The following USP4 variants were observed in gnomAD, a reference collection of about 807,000 sequenced individuals.
The protein encoded by USP4 is ubiquitin specific peptidase 4.
USP4 carries 72 observed loss-of-function variants against 118.2 expected under a neutral mutation model. The observed-to-expected ratio is 0.61, with a 90% CI of 0.50 to 0.74. The LOEUF (loss-of-function observed/expected upper bound fraction) is 0.74. USP4 is among the 30% of genes least tolerant of loss of function. The probability of loss-of-function intolerance (pLI) is 0.00; values close to 1 mark genes in which losing one functional copy is unlikely to be tolerated. For synonymous variants in USP4, 415 were observed against 440.4 expected (o/e 0.94, Z 0.72); for missense variants, 1,037 against 1,185.7 (o/e 0.87, Z 1.84).
At chr3:49,282,423 C>T (rs758807934) in intron 19 of USP4, among the ~76,000 whole-genome samples, 16 of 151,592 alleles carry the variant, frequency 1.1e-4, no homozygotes, top group Non-Finnish European at 2.1e-4. Context: ...TACAGGCATG[C>T]GCCACCATGC....
chr3:49,289,593 G>A (rs1054577704), intron 15 of USP4, among the ~76,000 whole-genome samples: 1 of 152,132 alleles, frequency 6.6e-6, no homozygotes, highest in Non-Finnish European at 1.5e-5. Flanking sequence ...TATTGAGGCC[G>A]GGTGCAGTAG....
At chr3:49,307,870 G>A (rs1324404673) in intron 8 of USP4, among the ~76,000 whole-genome samples, 2 of 152,082 alleles carry the variant, frequency 1.3e-5, no homozygotes, top group Non-Finnish European at 2.9e-5. Flanking sequence ...AGGCCTGGTG[G>A]TACACACTTG....
chr3:49,285,278 A>G (rs1408087640), intron 16 of USP4, among the ~76,000 whole-genome samples: 2 of 151,998 alleles, frequency 1.3e-5, no homozygotes, highest in Non-Finnish European at 2.9e-5. Context: ...CATTGGATAG[A>G]GCAGGAAGGA....
intron 6 of USP4, among the ~76,000 whole-genome samples, chr3:49,319,618 T>TTTGC (rs1400339470): frequency 6.6e-6 from 1 of 151,516 alleles, no homozygotes; most frequent in Non-Finnish European, 1.5e-5. Context: ...TGTTTGTTTG[T>TTTGC]TTGTTTGTTT....
chr3:49,307,944 A>G (rs1158867313), intron 8 of USP4, among the ~76,000 whole-genome samples: 2 of 152,088 alleles, frequency 1.3e-5, no homozygotes, highest in Non-Finnish European at 1.5e-5. Context: ...TCAAGGTTAC[A>G]GTGAGCTATG....
At chr3:49,297,007 C>T (rs1575605736) in intron 13 of USP4, among the ~76,000 whole-genome samples, 1 of 152,342 alleles carries the variant, frequency 6.6e-6, no homozygotes, top group Middle Eastern at 3.4e-3. Flanking sequence ...GGAACTATTC[C>T]TTTTAGAGAG....
intron 6 of USP4, among the ~76,000 whole-genome samples, chr3:49,313,644 C>T (rs970056324): frequency 1.1e-4 from 17 of 152,278 alleles, no homozygotes; most frequent in African/African-American, 3.8e-4. Context: ...GGTTTCACTA[C>T]GCCTTCTATG....
At chr3:49,282,318 G>A (rs554933765) in intron 19 of USP4, among the ~76,000 whole-genome samples, 15 of 151,794 alleles carry the variant, frequency 9.9e-5, no homozygotes, top group African/African-American at 3.1e-4. Flanking sequence ...TGTGTCGTCC[G>A]GGCTGGAGTG....
At chr3:49,293,553 C>T (rs1409657229) in intron 14 of USP4, 1 of 152,392 alleles carries the variant, frequency 6.6e-6, no homozygotes, top group Non-Finnish European at 1.5e-5. Flanking sequence ...TGCCTGTAAT[C>T]CCAGCTACTT....
intron 2 of USP4, among the ~76,000 whole-genome samples, chr3:49,333,997 C>A (rs1416923207): frequency 6.6e-6 from 1 of 151,262 alleles, no homozygotes; most frequent in Non-Finnish European, 1.5e-5. Flanking sequence ...CCTGCCTGGG[C>A]AACAAGAGCA....
intron 14 of USP4, among the ~76,000 whole-genome samples, chr3:49,292,819 CAGG>C (rs1044740713): frequency 9.4e-4 from 143 of 152,150 alleles, no homozygotes; most frequent in African/African-American, 3.2e-3. Context: ...CACCTGAGGT[CAGG>C]AGTTCGAGAC....
At chr3:49,280,349 C>A (rs1348011466) in intron 20 of USP4, among the ~76,000 whole-genome samples, 1 of 151,772 alleles carries the variant, frequency 6.6e-6, no homozygotes, top group Middle Eastern at 3.4e-3. Context: ...ATCACGAGGT[C>A]AGGAGATCGA....
At chr3:49,321,344 A>G (rs2047498229) in intron 6 of USP4, among the ~76,000 whole-genome samples, 1 of 152,160 alleles carries the variant, frequency 6.6e-6, no homozygotes, top group Non-Finnish European at 1.5e-5. Flanking sequence ...CTCATCCTCA[A>G]GAATAGTAGT....
At chr3:49,289,912 C>A (rs985134375) in intron 15 of USP4, among the ~76,000 whole-genome samples, 1 of 151,828 alleles carries the variant, frequency 6.6e-6, no homozygotes, top group East Asian at 1.9e-4. Context: ...TCAAGACCAG[C>A]CTGGGGAACA....
chr3:49,338,260 G>A (rs2047692792), intron 1 of USP4, among the ~76,000 whole-genome samples: 1 of 151,940 alleles, frequency 6.6e-6, no homozygotes, highest in South Asian at 2.1e-4. Flanking sequence ...CAAATCCCTT[G>A]AGCAATACCT....
chr3:49,286,002 T>G, intron 16 of USP4, 96 bp downstream of exon 16: 1 of 1,188,528 alleles, frequency 8.4e-7, no homozygotes, highest in Non-Finnish European at 1.2e-6. Context: ...GCACAGAGAC[T>G]GTGAAAGCCC....
Position 49,324,908 on chromosome 3 carries a change from G to C in USP4, c.619C>G (p.Leu207Val). 6.2e-7 allele frequency: 1 copy of C among 1,614,180 alleles called. No individual in the cohort carries two copies. The highest frequency in any genetic ancestry group is 8.5e-7 in the Non-Finnish European group (1 of 1,180,022). Residue 207 changes from leucine (L) to valine (V), a missense_variant, in exon 5 of 22, where the codon CTA becomes GTA. By Grantham distance (32) the Leu-to-Val change is conservative (BLOSUM62 1). Around this residue, in one of 3 missense-constraint regions of USP4, gnomAD observed 487 missense variants for 534.1 expected, o/e 0.91. Coordinates refer to ENST00000265560, the MANE Select transcript of USP4 (RefSeq NM_003363.4). ...KLDNTVQDAG[L>V]YQGQVLVIEP... ...GGCCCTCCTACCTGACCCTGGTATA[G>C]CCCAGCATCCTGGACAGTGTTGTCT...
chr3:49,328,644 G>T (rs56760510), intron 2 of USP4, among the ~76,000 whole-genome samples: 3,691 of 152,178 alleles, frequency 0.024, 162 homozygotes, highest in African/African-American at 0.085. Flanking sequence ...CAGATCACTT[G>T]AGGTCAGGAA....
At chr3:49,326,727 G>A (rs2047559554) in intron 3 of USP4, among the ~76,000 whole-genome samples, 1 of 128,464 alleles carries the variant, frequency 7.8e-6, no homozygotes, top group East Asian at 2.5e-4. Flanking sequence ...TTTTGCAACC[G>A]AGTCTCACTC....
Sources: allele counts gnomAD v4.1 joint callset (sites outside exome capture counted in the v4.1 genomes callset), GRCh38; gene constraint gnomAD v4.1.1; regional missense constraint gnomAD v4.1.1; transcripts MANE v1.5; gene names NCBI Gene and HGNC (gene_info 2026-07-23, HGNC 2026-07-21).